Variants in RBFOX1 observed in about 807,000 individuals in gnomAD.
RBFOX1 encodes RNA binding fox-1 homolog 1.
RBFOX1 carries 8 observed loss-of-function variants against 57.7 expected under a neutral mutation model. That is an observed-to-expected ratio of 0.14 (90% CI 0.08 to 0.25). RBFOX1 has a LOEUF of 0.25. RBFOX1 is among the 10% of genes least tolerant of loss of function. The pLI is 1.00. For missense variants in RBFOX1, 611 were observed against 548.5 expected, an observed-to-expected ratio of 1.11 and a Z score of -1.14; for synonymous variants, 326 against 222.4, an observed-to-expected ratio of 1.47 and a Z score of -4.15.
intron 3 of RBFOX1, among the ~76,000 whole-genome samples, chr16:6,960,623 C>A (rs2082762232): frequency 6.6e-6 from 1 of 151,970 alleles, no homozygotes. Context: ...GCCTTTTTTC[C>A]TGCCTTCTCT....
chr16:7,209,337 A>C (rs556509035), intron 4 of RBFOX1, among the ~76,000 whole-genome samples: 8 of 151,956 alleles, frequency 5.3e-5, no homozygotes, highest in Admixed American at 3.3e-4. Context: ...CTCTGTTTCA[A>C]ATAAATAAAT....
intron 4 of RBFOX1, among the ~76,000 whole-genome samples, chr16:7,231,652 A>G (rs905543841): frequency 1.3e-5 from 2 of 152,224 alleles, no homozygotes; most frequent in Non-Finnish European, 2.9e-5. Flanking sequence ...GCCTATCAAT[A>G]AATTTATCAA....
intron 4 of RBFOX1, among the ~76,000 whole-genome samples, chr16:7,455,428 G>C (rs1201885531): frequency 6.6e-6 from 1 of 152,102 alleles, no homozygotes; most frequent in Non-Finnish European, 1.5e-5. Flanking sequence ...ACAGCTCCCA[G>C]AGTTGTTTGC....
chr16:6,888,280 C>G (rs924801335), intron 3 of RBFOX1, among the ~76,000 whole-genome samples: 2 of 152,110 alleles, frequency 1.3e-5, no homozygotes, highest in African/African-American at 2.4e-5. Context: ...GTTTGTGTTT[C>G]TGACAGCTTA....
intron 10 of RBFOX1, chr16:7,614,596 G>A (rs1299619262): frequency 6.6e-6 from 1 of 152,144 alleles, no homozygotes; most frequent in Non-Finnish European, 1.5e-5. Context: ...AAAAGCAGGG[G>A]GTGTCAAGGT....
chr16:6,231,952 A>G (rs1254946343), intron 1 of RBFOX1, among the ~76,000 whole-genome samples: 1 of 152,134 alleles, frequency 6.6e-6, no homozygotes, highest in Non-Finnish European at 1.5e-5. Flanking sequence ...AAGGGATCAA[A>G]TAAAGCAAAT....
At chr16:7,098,031 G>A (rs1417587194) in intron 4 of RBFOX1, among the ~76,000 whole-genome samples, 1 of 152,190 alleles carries the variant, frequency 6.6e-6, no homozygotes, top group African/African-American at 2.4e-5. Context: ...CTCAGTGATG[G>A]AGTATTCAAG....
intron 2 of RBFOX1, among the ~76,000 whole-genome samples, chr16:5,554,108 T>C (rs1193733076): frequency 6.6e-6 from 1 of 151,870 alleles, no homozygotes; most frequent in Non-Finnish European, 1.5e-5. Flanking sequence ...GTAGCTGGGA[T>C]TAGAGGTGGC....
chr16:5,946,452 A>G lies in RBFOX1; in HGVS notation c.351+79117A>G, dbSNP rs1461663296. On this transcript the variant is annotated intron_variant, in intron 4 of 19. Transcript: ENST00000641259. The surrounding 1 kb of genome is among the most constrained non-coding windows in gnomAD (Gnocchi z 4.6). Reference sequence around the variant, plus strand: ...CTTGCGACAGAGCCATGAACAGCTCAGCCAAGATCTCTGCTCTCATGGAAT... The same window carrying G: ...CTTGCGACAGAGCCATGAACAGCTCGGCCAAGATCTCTGCTCTCATGGAAT... 6.6e-6 allele frequency among the ~76,000 whole-genome samples: 1 copy of G among 152,220 alleles called. No homozygotes were observed. The highest frequency in any genetic ancestry group is 2.4e-5 in the African/African-American group (1 of 41,462).
intron 2 of RBFOX1, among the ~76,000 whole-genome samples, chr16:6,559,078 T>C (rs2153901925): frequency 6.6e-6 from 1 of 152,206 alleles, no homozygotes; most frequent in East Asian, 1.9e-4. Flanking sequence ...GTCTCATAGT[T>C]CCTTGTACTT....
Position 6,571,436 on chromosome 16 carries a change from G to A in RBFOX1, c.-63-83167G>A, listed in dbSNP as rs745875788. Among the ~76,000 whole-genome samples the A allele has an allele frequency of 1.3e-4, 20 of 152,272 alleles. No homozygotes were observed. In the Middle Eastern group the frequency reaches 0.02, roughly 155 times the overall value. ...GATCTATGGCAGAGACCCAGTGCTC[G>A]GAGTGATTTTTTTAAGTTGTGTATG... On this transcript the variant is annotated intron_variant, in intron 2 of 15. Coordinates refer to ENST00000550418, the MANE Select transcript of RBFOX1 (RefSeq NM_018723.4).
intron 1 of RBFOX1, among the ~76,000 whole-genome samples, chr16:6,025,601 C>G (rs777955664): frequency 7.9e-5 from 12 of 152,320 alleles, no homozygotes; most frequent in Admixed American, 2.0e-4. Context: ...AACAGTTGCA[C>G]TCAGATGCCC....
At chr16:6,702,810 A>G (rs1168133907) in intron 3 of RBFOX1, among the ~76,000 whole-genome samples, 1 of 152,246 alleles carries the variant, frequency 6.6e-6, no homozygotes. Flanking sequence ...TTTTAAATGT[A>G]GAGTTCAGTG....
At chr16:5,682,962 T>C (rs146348669) in intron 3 of RBFOX1, among the ~76,000 whole-genome samples, 11 of 152,330 alleles carry the variant, frequency 7.2e-5, no homozygotes, top group South Asian at 2.1e-4. Context: ...CTTGCTTGAA[T>C]TGATACTTCA....
chr16:7,253,718 A>C (rs538988771), intron 4 of RBFOX1, among the ~76,000 whole-genome samples: 44 of 152,020 alleles, frequency 2.9e-4, no homozygotes, highest in Non-Finnish European at 4.6e-4. Flanking sequence ...CCATCACCAC[A>C]TAGTATTCTG....
intron 4 of RBFOX1, among the ~76,000 whole-genome samples, chr16:5,908,479 A>G (rs1313892180): frequency 1.3e-5 from 2 of 151,502 alleles, no homozygotes; most frequent in Non-Finnish European, 2.9e-5. Context: ...CAGCTTCCCA[A>G]GTAGCAGGGA....
chr16:7,420,237 G>C (rs2098527389), intron 4 of RBFOX1, among the ~76,000 whole-genome samples: 1 of 152,098 alleles, frequency 6.6e-6, no homozygotes. Flanking sequence ...GAAATTCTCA[G>C]CAGATTGTAA....
Position 5,599,578 on chromosome 16 carries a change from T to G in RBFOX1, c.*329T>G, listed in dbSNP as rs1278508997. On this transcript the variant is annotated 3_prime_UTR_variant, in exon 3 of 3. Coordinates refer to the RBFOX1 transcript ENST00000585867. ...TGGTGCATTCCCCAAGTGTGACCTG[T>G]TTGTGTATTGTTGGTGACCTTGGGA... The G allele has an allele frequency of 1.1e-5, 3 of 261,550 alleles. No individual in the cohort carries two copies. The East Asian group carries it at 2.4e-4, about 21-fold the overall frequency. The allele number at this position is 261,550 out of a possible 1,614,324, so 16.2% of individuals were successfully genotyped here. A position where few individuals can be genotyped will look rare whatever the true frequency, so the allele number is the denominator to read the frequency against.
At chr16:5,354,598 C>T (rs60249424) in intron 1 of RBFOX1, among the ~76,000 whole-genome samples, 7,564 of 152,332 alleles carry the variant, frequency 0.05, 649 homozygotes, top group African/African-American at 0.17. Context: ...AATCTTAAGC[C>T]GCTTTTCCAG....
Sources: gnomAD v4.1 joint callset for allele counts (sites outside exome capture counted in the v4.1 genomes callset) on GRCh38, gnomAD v4.1.1 for gene constraint, Gnocchi (gnomAD v3.1) non-coding constraint, MANE v1.5 for transcripts, NCBI Gene and HGNC (gene_info 2026-07-23, HGNC 2026-07-21) for gene names.